Variants in FAM193A observed in about 807,000 individuals in gnomAD.
FAM193A encodes the protein protein FAM193A.
A neutral mutation model predicts 126.5 loss-of-function variants in FAM193A; 22 were observed. That is an observed-to-expected ratio of 0.17 (90% CI 0.12 to 0.25). The LOEUF (loss-of-function observed/expected upper bound fraction) is 0.25, where lower values mean the gene tolerates loss of function less well. Among genes scored for constraint, FAM193A ranks in the 10% least tolerant of loss-of-function variants. The probability of loss-of-function intolerance (pLI) is 1.00; values close to 1 mark genes in which losing one functional copy is unlikely to be tolerated. For synonymous variants in FAM193A, 761 were observed against 646.8 expected (o/e 1.18, Z -2.68); for missense variants, 1,675 against 1,672.8 (o/e 1.00, Z -0.02).
intron 13 of FAM193A, among the ~76,000 whole-genome samples, chr4:2,681,264 G>A (rs901898105): frequency 6.8e-6 from 1 of 147,208 alleles, no homozygotes; most frequent in African/African-American, 2.5e-5. Flanking sequence ...TGTCAGTTTT[G>A]TTTCTCTTTT....
chr4:2,632,921 A>G (rs1394663977), intron 5 of FAM193A, among the ~76,000 whole-genome samples: 1 of 152,152 alleles, frequency 6.6e-6, no homozygotes, highest in African/African-American at 2.4e-5. Context: ...GCCCACCTAA[A>G]CCTGGTGCCC....
chr4:2,725,986 CCTCCCAAGTTCACGCCATT>C (rs1420213246), intron 20 of FAM193A, among the ~76,000 whole-genome samples: 1 of 151,706 alleles, frequency 6.6e-6, no homozygotes, highest in African/African-American at 2.4e-5. Context: ...GCAAGCTCCG[CCTCCCAAGTTCACGCCATT>C]CTCCTGCCTC....
chr4:2,698,480 T>G (rs775926562), intron 18 of FAM193A, among the ~76,000 whole-genome samples: 2 of 152,216 alleles, frequency 1.3e-5, no homozygotes, highest in Non-Finnish European at 2.9e-5. Flanking sequence ...TGTTAAATAA[T>G]TTTTACTTGA....
chr4:2,681,598 G>T (rs191502991), intron 13 of FAM193A, among the ~76,000 whole-genome samples: 3 of 152,062 alleles, frequency 2.0e-5, no homozygotes. Flanking sequence ...ACAGGTGTGT[G>T]CCACCATGCC....
chr4:2,617,500 G>A (rs1034243739), intron 2 of FAM193A, among the ~76,000 whole-genome samples: 31 of 151,136 alleles, frequency 2.1e-4, no homozygotes, highest in Non-Finnish European at 3.2e-4. Flanking sequence ...TCCTGACCTC[G>A]TGATCCACCT....
At chr4:2,675,913 T>C (rs1163575446) in intron 13 of FAM193A, among the ~76,000 whole-genome samples, 1 of 152,256 alleles carries the variant, frequency 6.6e-6, no homozygotes, top group Non-Finnish European at 1.5e-5. Context: ...ACTGGCTTAT[T>C]TCACTTAGCA....
At chr4:2,633,145 TC>T (rs1436536426) in intron 5 of FAM193A, among the ~76,000 whole-genome samples, 2 of 152,090 alleles carry the variant, frequency 1.3e-5, no homozygotes, top group Non-Finnish European at 2.9e-5. Flanking sequence ...CGCCTGTAAT[TC>T]CAGCACTTTG....
intron 10 of FAM193A, among the ~76,000 whole-genome samples, chr4:2,662,612 T>C (rs941976893): frequency 2.0e-5 from 3 of 152,236 alleles, no homozygotes; most frequent in Non-Finnish European, 2.9e-5. Flanking sequence ...TTTTTCTGTT[T>C]GTTTTTTGTT....
At chr4:2,658,518 G>C (rs1209316869) in intron 8 of FAM193A, among the ~76,000 whole-genome samples, 1 of 152,004 alleles carries the variant, frequency 6.6e-6, no homozygotes, top group Non-Finnish European at 1.5e-5. Flanking sequence ...TCCCATCCAC[G>C]TGCCACATCG....
intron 12 of FAM193A, 119 bp downstream of exon 12, chr4:2,663,407 G>T: frequency 1.3e-6 from 1 of 768,352 alleles, no homozygotes; most frequent in Non-Finnish European, 2.0e-6. Flanking sequence ...GGTTAGAACT[G>T]AAGAGAGTCA....
chr4:2,681,029 G>T (rs1715052995), intron 13 of FAM193A, among the ~76,000 whole-genome samples: 1 of 151,932 alleles, frequency 6.6e-6, no homozygotes, highest in Admixed American at 6.6e-5. Context: ...TTGCTCTGTT[G>T]CCCAGGCTGG....
chr4:2,675,718 ATGT>A (rs775538761), intron 13 of FAM193A, among the ~76,000 whole-genome samples: 3 of 152,202 alleles, frequency 2.0e-5, no homozygotes, highest in Admixed American at 6.5e-5. Context: ...TACGTTGATA[ATGT>A]TGTGCAGCCA....
intron 8 of FAM193A, among the ~76,000 whole-genome samples, chr4:2,659,100 G>C (rs529314917): frequency 2.3e-4 from 35 of 152,168 alleles, no homozygotes; most frequent in Non-Finnish European, 4.4e-4. Context: ...CCCATTGCCA[G>C]AGTGGGTCCA....
intron 1 of FAM193A, among the ~76,000 whole-genome samples, chr4:2,584,893 C>T (rs1740148537): frequency 6.6e-6 from 1 of 151,988 alleles, no homozygotes; most frequent in Non-Finnish European, 1.5e-5. Context: ...CCACTGCACT[C>T]CAGCCTGGCG....
At chr4:2,617,496 C>G (rs761901684) in intron 2 of FAM193A, among the ~76,000 whole-genome samples, 11 of 151,068 alleles carry the variant, frequency 7.3e-5, no homozygotes, top group African/African-American at 2.7e-4. Flanking sequence ...GATCTCCTGA[C>G]CTCGTGATCC....
At chr4:2,731,265 A>C (rs988757679) in intron 20 of FAM193A, among the ~76,000 whole-genome samples, 7 of 145,138 alleles carry the variant, frequency 4.8e-5, no homozygotes, top group Admixed American at 2.8e-4. Flanking sequence ...GCTACTTGGG[A>C]GGCTGAGGCA....
chr4:2,672,489 G>A, intron 13 of FAM193A, 117 bp downstream of exon 13: 1 of 1,090,568 alleles, frequency 9.2e-7, no homozygotes, highest in Non-Finnish European at 1.3e-6. Context: ...ATCTGCTCTG[G>A]ATAGGAAGGT....
At chr4:2,663,065 A>G (rs1712665829) in intron 11 of FAM193A, 44 bp from the exon 12 acceptor site, 1 of 1,600,444 alleles carries the variant, frequency 6.2e-7, no homozygotes, top group Non-Finnish European at 8.5e-7. Flanking sequence ...ATTTTATATT[A>G]CTCTGTTTTG....
intron 1 of FAM193A, among the ~76,000 whole-genome samples, chr4:2,576,992 T>C (rs573969039): frequency 6.6e-6 from 1 of 152,352 alleles, no homozygotes; most frequent in African/African-American, 2.4e-5. Flanking sequence ...AAAGCAGTTT[T>C]TTGAGATTTT....
Sources: allele counts gnomAD v4.1 joint callset (sites outside exome capture counted in the v4.1 genomes callset), GRCh38; gene constraint gnomAD v4.1.1; transcripts MANE v1.5; gene names NCBI Gene and HGNC (gene_info 2026-07-23, HGNC 2026-07-21).